Variants in SLCO6A1 observed in about 807,000 individuals in gnomAD.
SLCO6A1 encodes solute carrier organic anion transporter family member 6A1, also known as cancer/testis antigen 48.
In SLCO6A1, 65 loss-of-function variants were observed where a neutral mutation model predicts 72.7. The ratio of observed to expected loss-of-function variants is 0.89; its 90% CI spans 0.73 to 1.10. The LOEUF (loss-of-function observed/expected upper bound fraction) is 1.10. SLCO6A1 is among the 50% of genes least tolerant of loss of function. The pLI, the probability that SLCO6A1 is intolerant of heterozygous loss-of-function variation, is 0.00. For synonymous variants in SLCO6A1, 314 were observed against 298.2 expected (o/e 1.05, Z -0.55); for missense variants, 874 against 872.6 (o/e 1.00, Z -0.02).
intron 7 of SLCO6A1, among the ~76,000 whole-genome samples, chr5:102,428,909 C>A (rs1341455012): frequency 5.9e-5 from 9 of 152,154 alleles, no homozygotes; most frequent in Non-Finnish European, 7.4e-5. Flanking sequence ...ATTTACACTC[C>A]CACCAGCAGT....
At chr5:102,395,159 T>C (rs1465719776) in intron 10 of SLCO6A1, among the ~76,000 whole-genome samples, 3 of 152,144 alleles carry the variant, frequency 2.0e-5, no homozygotes, top group Admixed American at 6.5e-5. Flanking sequence ...CATTTAGCAT[T>C]AGGTATATCT....
chr5:102,438,567 C>T, intron 7 of SLCO6A1, 50 bp downstream of exon 7: 27 of 1,472,874 alleles, frequency 1.8e-5, no homozygotes, highest in Non-Finnish European at 2.4e-5. Context: ...TAAGTACATA[C>T]AATAAGACAG....
At chr5:102,475,609 A>T in intron 4 of SLCO6A1, 88 bp downstream of exon 4, 1 of 772,056 alleles carries the variant, frequency 1.3e-6, no homozygotes, top group Non-Finnish European at 2.0e-6. Context: ...ATTACAAATT[A>T]AATATATATA....
chr5:102,433,910 A>C (rs1749357832), intron 7 of SLCO6A1, among the ~76,000 whole-genome samples: 1 of 151,992 alleles, frequency 6.6e-6, no homozygotes, highest in Admixed American at 6.6e-5. Context: ...TCTTTAAAGG[A>C]TACAATATTT....
intron 12 of SLCO6A1, among the ~76,000 whole-genome samples, chr5:102,383,603 T>G (rs1430634707): frequency 6.6e-6 from 1 of 151,822 alleles, no homozygotes; most frequent in Admixed American, 6.6e-5. Context: ...TTGCTAGTAT[T>G]TTCTTGAGGA....
chr5:102,441,743 T>C (rs1336575165), intron 6 of SLCO6A1, among the ~76,000 whole-genome samples: 1 of 152,036 alleles, frequency 6.6e-6, no homozygotes, highest in Non-Finnish European at 1.5e-5. Context: ...TTTAATTTTT[T>C]CATGAAGTTT....
In SLCO6A1 at chr5:102,480,418, A is replaced by G. The variant is rs778369789; in HGVS notation, c.375T>C (p.Leu125=). The change falls in exon 2 of 14, where the codon CTT becomes CTC. Residue 125 remains leucine, a synonymous_variant. Transcript: ENST00000506729. ...GAAAATCGCCAATGCTGACATCTATAAGACCAAACACCACACCTAAAATGT... is the reference window on the plus strand; with the variant it reads ...GAAAATCGCCAATGCTGACATCTATGAGACCAAACACCACACCTAAAATGT... ...LLICQGVVFG[L]IDVSIGDFQK... 3 of 1,612,628 alleles carry G rather than the reference A, an allele frequency of 1.9e-6. No homozygotes were observed. The highest frequency in any genetic ancestry group is 2.2e-5 in the East Asian group (1 of 44,784).
At chr5:102,455,007 A>AATATAT (rs912771095) in intron 6 of SLCO6A1, among the ~76,000 whole-genome samples, 9 of 76,686 alleles carry the variant, frequency 1.2e-4, no homozygotes, top group South Asian at 4.0e-4. Context: ...AATATATATA[A>AATATAT]ATATATATAT....
chr5:102,408,123 A>G lies in SLCO6A1; in HGVS notation c.1626+4867T>C, dbSNP rs139187005. Among the ~76,000 whole-genome samples the G allele has an allele frequency of 1.2e-3, 189 of 152,242 alleles. 1 individual carries two copies. The highest frequency in any genetic ancestry group is 2.3e-3 in the Non-Finnish European group (156 of 68,004). On this transcript the variant is annotated intron_variant, in intron 9 of 13. Transcript: ENST00000506729. Reference sequence around the variant, plus strand: ...CTATATCTACTCCTTTTTTTCCTATACATACATACCTATAATAAAGTTTAA... The same window carrying G: ...CTATATCTACTCCTTTTTTTCCTATGCATACATACCTATAATAAAGTTTAA...
chr5:102,468,136 T>A (rs1242995635), intron 4 of SLCO6A1, among the ~76,000 whole-genome samples: 1 of 152,088 alleles, frequency 6.6e-6, no homozygotes, highest in African/African-American at 2.4e-5. Context: ...TGTATTTGCA[T>A]GGTTTTGAGG....
intron 6 of SLCO6A1, among the ~76,000 whole-genome samples, chr5:102,442,423 G>T (rs1749884457): frequency 6.6e-6 from 1 of 152,158 alleles, no homozygotes; most frequent in African/African-American, 2.4e-5. Flanking sequence ...TTTTTGAGTG[G>T]TTATGATAAT....
At chr5:102,436,719 A>G (rs745884440) in intron 7 of SLCO6A1, among the ~76,000 whole-genome samples, 16 of 152,170 alleles carry the variant, frequency 1.1e-4, no homozygotes, top group Non-Finnish European at 2.4e-4. Context: ...CCATTCAGAA[A>G]CACCTGCTGT....
chr5:102,416,212 A>G (rs976341682), intron 8 of SLCO6A1, among the ~76,000 whole-genome samples: 9 of 152,120 alleles, frequency 5.9e-5, no homozygotes, highest in African/African-American at 2.2e-4. Flanking sequence ...TGGGTATCTA[A>G]CCAGAGAAAA....
At chr5:102,477,409 C>A (rs1210127446) in intron 3 of SLCO6A1, among the ~76,000 whole-genome samples, 2 of 152,114 alleles carry the variant, frequency 1.3e-5, no homozygotes, top group African/African-American at 4.8e-5. Context: ...CAGGCATGAG[C>A]CACCATGCCT....
intron 7 of SLCO6A1, among the ~76,000 whole-genome samples, chr5:102,426,919 C>T (rs62370975): frequency 0.23 from 34,950 of 151,936 alleles, 4,803 homozygotes; most frequent in Non-Finnish European, 0.31. Flanking sequence ...ACATATACAC[C>T]ATAGAATAGT....
chr5:102,477,831 C>A lies in SLCO6A1; in HGVS notation c.647G>T (p.Gly216Val), dbSNP rs938527064. 5 of 1,607,002 alleles carry A rather than the reference C, an allele frequency of 3.1e-6. No individual in the cohort carries two copies. The Admixed American group carries it at 5.2e-5, about 17-fold the overall frequency. The change falls in exon 3 of 14, where the codon GGT (glycine) becomes GTT (valine). Residue 216 changes from glycine to valine, a missense_variant. By Grantham distance (109) the Gly-to-Val change is moderately radical. Coordinates refer to ENST00000506729, the MANE Select transcript of SLCO6A1 (RefSeq NM_173488.5). ...DICEEIKVVS[G>V]CQSSGISFQS... ...GAATGATATACCACTGCTCTGGCAACCACTGACAACCTTTATTTCTTCGCA... is the reference window on the plus strand; with the variant it reads ...GAATGATATACCACTGCTCTGGCAAACACTGACAACCTTTATTTCTTCGCA...
intron 7 of SLCO6A1, among the ~76,000 whole-genome samples, chr5:102,421,230 T>G (rs925981760): frequency 6.6e-6 from 1 of 151,974 alleles, no homozygotes; most frequent in Non-Finnish European, 1.5e-5. Context: ...GGAGTTTTTT[T>G]TTTTCATACC....
intron 12 of SLCO6A1, among the ~76,000 whole-genome samples, chr5:102,381,618 T>A (rs1472280084): frequency 6.6e-6 from 1 of 151,828 alleles, no homozygotes; most frequent in East Asian, 1.9e-4. Context: ...GATCATGTGG[T>A]AGTTCTATTT....
intron 6 of SLCO6A1, among the ~76,000 whole-genome samples, chr5:102,442,402 T>A (rs1029698497): frequency 6.6e-6 from 1 of 152,218 alleles, no homozygotes; most frequent in Non-Finnish European, 1.5e-5. Flanking sequence ...CGAGAAACAA[T>A]AATGTCTATT....
Sources: allele counts gnomAD v4.1 joint callset (sites outside exome capture counted in the v4.1 genomes callset), GRCh38; gene constraint gnomAD v4.1.1; transcripts MANE v1.5; gene names NCBI Gene and HGNC (gene_info 2026-07-23, HGNC 2026-07-21).